Variants in CSMD1 observed in about 807,000 individuals in gnomAD.
The protein encoded by CSMD1 is CUB and sushi domain-containing protein 1.
In CSMD1, 213 loss-of-function variants were observed where a neutral mutation model predicts 417.5. That is an observed-to-expected ratio of 0.51 (90% CI 0.46 to 0.57). The LOEUF is 0.57. CSMD1 is among the 20% of genes least tolerant of loss of function. The probability of loss-of-function intolerance (pLI) is 0.00; values close to 1 mark genes in which losing one functional copy is unlikely to be tolerated. For missense variants in CSMD1, 6,923 were observed against 4,529.7 expected (o/e 1.53, Z -15.17); for synonymous variants, 2,862 against 1,736.8 (o/e 1.65, Z -16.11).
intron 3 of CSMD1, among the ~76,000 whole-genome samples, chr8:4,164,185 A>G (rs1797325658): frequency 7.8e-6 from 1 of 127,504 alleles, no homozygotes; most frequent in South Asian, 2.7e-4. Context: ...AGGAATTAAT[A>G]CAGGATTTTT....
chr8:4,606,462 C>T lies in CSMD1; in HGVS notation c.302+30880G>A, dbSNP rs182168043. On this transcript the variant is annotated intron_variant, in intron 2 of 69. Transcript: ENST00000635120. ...GTGGCTGTTCTTCCTGCTGTGATTA[C>T]AACATCATCCGATGCCAAGCCCTTT... Among the ~76,000 whole-genome samples, 381 of 152,238 alleles carry T rather than the reference C, an allele frequency of 2.5e-3. 2 individuals are homozygous for T. Among genetic ancestry groups the T allele is most frequent in the Non-Finnish European group, 3.2e-3 (220 of 68,018 alleles).
intron 7 of CSMD1, among the ~76,000 whole-genome samples, chr8:3,637,433 C>A (rs1487226475): frequency 6.6e-6 from 1 of 152,138 alleles, no homozygotes; most frequent in Admixed American, 6.5e-5. Flanking sequence ...GTATTTGAAT[C>A]TATTTTCTAA....
Position 4,717,139 on chromosome 8 carries a change from A to G in CSMD1, c.86-79581T>C, listed in dbSNP as rs77774459. 3.0e-4 allele frequency among the ~76,000 whole-genome samples: 46 copies of G among 151,606 alleles called. No homozygotes were observed. In the East Asian group the frequency reaches 8.0e-3, roughly 26 times the overall value. ...TAATCATGAGAAAATAATCATTAGG[A>G]AAAAAAACTAGGGTATACAGTGAGA... On this transcript the variant is annotated intron_variant, in intron 1 of 69. Coordinates refer to ENST00000635120, the MANE Select transcript of CSMD1 (RefSeq NM_033225.6).
rs1158977362 is a variant in CSMD1, at chr8:2,938,267, G to A, written c.*318C>T. 4 of 266,792 alleles carry A rather than the reference G, an allele frequency of 1.5e-5. No individual in the cohort carries two copies. The highest frequency in any genetic ancestry group is 8.8e-5 in the African/African-American group (4 of 45,502). 16.5% of individuals were successfully genotyped at this position (266,792 alleles called of 1,614,324 possible). A position where few individuals can be genotyped will look rare whatever the true frequency, so the allele number is the denominator to read the frequency against. ...CATTGAAAGGCATCTCAGCAACACA[G>A]AAATATGAAAGTCTGAGGCATTGAG... is the stretch of plus-strand genomic sequence containing the variant. On this transcript the variant is annotated 3_prime_UTR_variant, in exon 70 of 70. Transcript: ENST00000635120.
intron 49 of CSMD1, among the ~76,000 whole-genome samples, chr8:3,069,952 C>A (rs1179603019): frequency 6.6e-6 from 1 of 152,250 alleles, no homozygotes; most frequent in African/African-American, 2.4e-5. Context: ...TGCGCACCTA[C>A]AGGCTTAACG....
chr8:4,014,057 A>C (rs1407424177), intron 4 of CSMD1, among the ~76,000 whole-genome samples: 1 of 152,226 alleles, frequency 6.6e-6, no homozygotes, highest in Non-Finnish European at 1.5e-5. Context: ...TGGAAATCAA[A>C]GGCAATAAAA....
At chr8:3,891,710 T>C (rs2129127601) in intron 5 of CSMD1, among the ~76,000 whole-genome samples, 1 of 151,832 alleles carries the variant, frequency 6.6e-6, no homozygotes, top group Middle Eastern at 3.4e-3. Context: ...ATTAACTCAG[T>C]CTCCTAACAC....
intron 5 of CSMD1, among the ~76,000 whole-genome samples, chr8:3,923,711 G>C (rs896282714): frequency 2.0e-4 from 31 of 151,992 alleles, no homozygotes; most frequent in Non-Finnish European, 2.8e-4. Context: ...TAAATCTCTA[G>C]TTCTTATGCT....
chr8:3,485,401 G>C (rs1395584782), intron 11 of CSMD1, among the ~76,000 whole-genome samples: 2 of 152,012 alleles, frequency 1.3e-5, no homozygotes, highest in African/African-American at 4.8e-5. Context: ...GTAGAAAACA[G>C]GGAGTTGGCT....
intron 2 of CSMD1, among the ~76,000 whole-genome samples, chr8:4,471,695 A>G (rs1248660899): frequency 1.3e-5 from 2 of 152,092 alleles, no homozygotes; most frequent in African/African-American, 4.8e-5. Flanking sequence ...CGCAGAGAGA[A>G]CACGACCCAT....
intron 3 of CSMD1, among the ~76,000 whole-genome samples, chr8:4,362,285 C>G (rs1801812792): frequency 6.6e-6 from 1 of 152,114 alleles, no homozygotes; most frequent in Non-Finnish European, 1.5e-5. Context: ...GCAGTGGACT[C>G]CTCCTCCTTC....
intron 10 of CSMD1, among the ~76,000 whole-genome samples, chr8:3,557,200 T>C (rs1799194307): frequency 6.6e-6 from 1 of 152,210 alleles, no homozygotes; most frequent in Non-Finnish European, 1.5e-5. Context: ...TTTGTTTCTC[T>C]GGATATGTAT....
intron 11 of CSMD1, among the ~76,000 whole-genome samples, chr8:3,488,937 A>C (rs2055339): frequency 6.6e-6 from 1 of 151,988 alleles, no homozygotes; most frequent in African/African-American, 2.4e-5. Context: ...TTAAAACCGA[A>C]AATGTATTTA....
chr8:3,241,352 A>G (rs1034193281), intron 26 of CSMD1, among the ~76,000 whole-genome samples: 1 of 151,828 alleles, frequency 6.6e-6, no homozygotes, highest in African/African-American at 2.4e-5. Flanking sequence ...AAAGAAGGTA[A>G]TGTGGAGTGG....
intron 3 of CSMD1, among the ~76,000 whole-genome samples, chr8:4,169,852 T>C (rs1206582934): frequency 6.6e-6 from 1 of 152,070 alleles, no homozygotes; most frequent in Admixed American, 6.5e-5. Context: ...ATAGCATGCG[T>C]CATCATTTAG....
intron 5 of CSMD1, among the ~76,000 whole-genome samples, chr8:3,784,516 C>A (rs1333515603): frequency 6.6e-6 from 1 of 152,012 alleles, no homozygotes; most frequent in Non-Finnish European, 1.5e-5. Context: ...TGCTAGAATC[C>A]TCAATTTCTA....
chr8:3,978,650 C>G (rs1234153734), intron 5 of CSMD1, among the ~76,000 whole-genome samples: 1 of 152,134 alleles, frequency 6.6e-6, no homozygotes, highest in Non-Finnish European at 1.5e-5. Context: ...TCTCCACCTC[C>G]TCGTGGTGAT....
chr8:3,032,593 C>T (rs1051155833), intron 50 of CSMD1, among the ~76,000 whole-genome samples: 1 of 151,970 alleles, frequency 6.6e-6, no homozygotes, highest in African/African-American at 2.4e-5. Flanking sequence ...CATTTTACAA[C>T]CCCCAAACAC....
chr8:3,877,526 C>T (rs188782088), intron 5 of CSMD1, among the ~76,000 whole-genome samples: 1 of 152,204 alleles, frequency 6.6e-6, no homozygotes, highest in East Asian at 1.9e-4. Context: ...CCTCAAGCTT[C>T]GATGTTCCCC....
Sources: gnomAD v4.1 joint callset for allele counts (sites outside exome capture counted in the v4.1 genomes callset) on GRCh38, gnomAD v4.1.1 for gene constraint, MANE v1.5 for transcripts, NCBI Gene and HGNC (gene_info 2026-07-23, HGNC 2026-07-21) for gene names.